UBE3C: variants seen among roughly 807,000 people sequenced by gnomAD.
UBE3C encodes the protein ubiquitin protein ligase E3C.
Under a neutral mutation model 129.4 loss-of-function variants are expected in UBE3C, and 42 were observed. The observed-to-expected ratio is 0.32, with a 90% confidence interval of 0.25 to 0.42. The LOEUF is 0.42. UBE3C is among the 10% of genes least tolerant of loss of function. The pLI is 1.00. For synonymous variants in UBE3C, 510 were observed against 492.4 expected, an observed-to-expected ratio of 1.04 and a Z score of -0.47; for missense variants, 1,049 against 1,319.1, an observed-to-expected ratio of 0.80 and a Z score of 3.17.
intron 10 of UBE3C, chr7:157,192,843 G>C: frequency 1.0e-6 from 1 of 963,526 alleles, no homozygotes; most frequent in Admixed American, 1.8e-5. Flanking sequence ...CTGCGTATGA[G>C]TTAATAAAAG....
chr7:157,181,441 G>A (rs1808662591), intron 6 of UBE3C, 77 bp from the exon 7 acceptor site: 1 of 1,322,284 alleles, frequency 7.6e-7, no homozygotes, highest in African/African-American at 1.5e-5. Context: ...ATGGTTAAAA[G>A]CATTTAAAAA....
chr7:157,233,817 C>T (rs144822292), intron 18 of UBE3C, among the ~76,000 whole-genome samples: 87 of 152,332 alleles, frequency 5.7e-4, no homozygotes, highest in African/African-American at 1.9e-3. Flanking sequence ...ATCCCACCAA[C>T]AATTTGTGAA....
intron 1 of UBE3C, among the ~76,000 whole-genome samples, chr7:157,156,081 C>T (rs1436837220): frequency 1.3e-5 from 2 of 152,072 alleles, no homozygotes; most frequent in African/African-American, 2.4e-5. Context: ...ACTGCTTTCT[C>T]CTGGTACCTT....
chr7:157,256,116 G>A (rs1028434559), intron 21 of UBE3C, among the ~76,000 whole-genome samples: 1 of 152,030 alleles, frequency 6.6e-6, no homozygotes, highest in Non-Finnish European at 1.5e-5. Context: ...TATAGTTACA[G>A]GGTGATCCTT....
At position 157,178,780 on chromosome 7, in the gene UBE3C, T is replaced by C; in HGVS notation, c.549T>C (p.Pro183=). 6.2e-7 allele frequency: 1 copy of C among 1,614,244 alleles called. No homozygotes were observed. Among genetic ancestry groups the C allele is most frequent in the Non-Finnish European group, 8.5e-7 (1 of 1,180,038 alleles). ...TTTCGTCTGAGAATACTTACTTGCCTGTTTTACAAGATGCTAGCTATGTGG... is the reference window on the plus strand; with the variant it reads ...TTTCGTCTGAGAATACTTACTTGCCCGTTTTACAAGATGCTAGCTATGTGG... The part of the protein sequence containing the change: ...EVFSSENTYL[P]VLQDASYVVS... The change falls in exon 6 of 23, where the codon CCT becomes CCC. Residue 183 remains proline, a synonymous_variant. Coordinates refer to ENST00000348165, the MANE Select transcript of UBE3C (RefSeq NM_014671.3).
chr7:157,224,320 A>T (rs1036692303), intron 16 of UBE3C, among the ~76,000 whole-genome samples: 1 of 151,962 alleles, frequency 6.6e-6, no homozygotes, highest in Non-Finnish European at 1.5e-5. Context: ...TCAGCCTCCC[A>T]AGTAGCTAGG....
At chr7:157,222,531 C>T (rs1795765892) in intron 15 of UBE3C, 1 of 152,118 alleles carries the variant, frequency 6.6e-6, no homozygotes, top group Admixed American at 6.6e-5. Flanking sequence ...GCAGTTCTCC[C>T]ACCTCAGCCT....
chr7:157,243,774 C>G (rs1796406205), intron 18 of UBE3C, among the ~76,000 whole-genome samples: 1 of 152,170 alleles, frequency 6.6e-6, no homozygotes, highest in Non-Finnish European at 1.5e-5. Context: ...CTGAAACCCA[C>G]AATCCGAAAA....
chr7:157,236,791 G>A (rs1029691091), intron 18 of UBE3C, among the ~76,000 whole-genome samples: 3 of 151,838 alleles, frequency 2.0e-5, no homozygotes, highest in Admixed American at 1.3e-4. Context: ...GAGTGCAGTG[G>A]TGCGATCTTG....
intron 1 of UBE3C, among the ~76,000 whole-genome samples, chr7:157,154,385 C>G (rs1215672849): frequency 6.6e-6 from 1 of 152,128 alleles, no homozygotes; most frequent in African/African-American, 2.4e-5. Flanking sequence ...ACTGAATCCC[C>G]TAACTTCCCA....
At chr7:157,166,912 T>TTGGTGG (rs745770395) in intron 2 of UBE3C, among the ~76,000 whole-genome samples, 15 of 126,656 alleles carry the variant, frequency 1.2e-4, no homozygotes, top group South Asian at 2.4e-4. Context: ...CTTTTTCCTG[T>TTGGTGG]TGGTGGTGGT....
At chr7:157,173,241 G>A (rs1225716991) in intron 4 of UBE3C, among the ~76,000 whole-genome samples, 3 of 152,162 alleles carry the variant, frequency 2.0e-5, no homozygotes, top group Non-Finnish European at 2.9e-5. Flanking sequence ...GCTGGCTGCG[G>A]TAGCTTGCTG....
At chr7:157,186,428 A>AG (rs1238053437) in intron 9 of UBE3C, among the ~76,000 whole-genome samples, 1 of 151,826 alleles carries the variant, frequency 6.6e-6, no homozygotes, top group East Asian at 1.9e-4. Context: ...AAAAAAAAAA[A>AG]ATTTATGTAA....
intron 22 of UBE3C, among the ~76,000 whole-genome samples, chr7:157,267,282 C>T (rs1402079432): frequency 2.0e-5 from 3 of 152,078 alleles, no homozygotes; most frequent in South Asian, 2.1e-4. Flanking sequence ...ATTAGCCAGG[C>T]ATGGTGGCAG....
chr7:157,156,300 C>CTTTTTTTTTTTTTTTTTTTTTTTTT (rs1173730075), intron 1 of UBE3C, among the ~76,000 whole-genome samples: 1 of 85,886 alleles, frequency 1.2e-5, no homozygotes, highest in Non-Finnish European at 2.2e-5. Context: ...ACCCCCAGTT[C>CTTTTTTTTTTTTTTTTTTTTTTTTT]TTTTTTTTTT....
intron 2 of UBE3C, among the ~76,000 whole-genome samples, chr7:157,166,506 C>T (rs1037546030): frequency 3.3e-5 from 5 of 152,166 alleles, no homozygotes; most frequent in South Asian, 2.1e-4. Flanking sequence ...TTTGGGAGGC[C>T]GAGGCAGGCC....
chr7:157,253,223 A>G (rs1213094222), intron 19 of UBE3C, among the ~76,000 whole-genome samples: 2 of 152,210 alleles, frequency 1.3e-5, no homozygotes, highest in Non-Finnish European at 2.9e-5. Context: ...TTAATGGCCA[A>G]AAGTTTCAAG....
intron 1 of UBE3C, 37 bp downstream of exon 1, chr7:157,139,375 GC>G: frequency 4.6e-6 from 7 of 1,530,872 alleles, no homozygotes; most frequent in Non-Finnish European, 6.1e-6. Flanking sequence ...TCGGCTCGGG[GC>G]CTGCGCGGCC....
At chr7:157,180,793 GC>G (rs1325815283) in intron 6 of UBE3C, among the ~76,000 whole-genome samples, 47 of 152,282 alleles carry the variant, frequency 3.1e-4, no homozygotes, top group Admixed American at 2.6e-3. Flanking sequence ...CGTATAAGCT[GC>G]CTTTAAACAG....
Sources: gnomAD v4.1 joint callset for allele counts (sites outside exome capture counted in the v4.1 genomes callset) on GRCh38, gnomAD v4.1.1 for gene constraint, MANE v1.5 for transcripts, NCBI Gene and HGNC (gene_info 2026-07-23, HGNC 2026-07-21) for gene names.